LARS1: variants seen among roughly 807,000 people sequenced by gnomAD.
LARS1 encodes the protein leucyl-tRNA synthetase 1, also known as leucine--tRNA ligase, cytoplasmic.
Under a neutral mutation model 162.8 loss-of-function variants are expected in LARS1, and 100 were observed. The observed-to-expected ratio is 0.61, with a 90% confidence interval of 0.52 to 0.73. The LOEUF (loss-of-function observed/expected upper bound fraction) is 0.73, where lower values mean the gene tolerates loss of function less well. LARS1 is among the 30% of genes least tolerant of loss of function. LARS1 has a pLI of 0.00. For missense variants in LARS1, 1,258 were observed against 1,408.9 expected (o/e 0.89, Z 1.71); for synonymous variants, 457 against 462.8 (o/e 0.99, Z 0.16).
At chr5:146,162,470 C>G (rs1290518003) in intron 6 of LARS1, among the ~76,000 whole-genome samples, 1 of 152,038 alleles carries the variant, frequency 6.6e-6, no homozygotes, top group Non-Finnish European at 1.5e-5. Flanking sequence ...TTAAAACATT[C>G]ACCAAACCAT....
intron 1 of LARS1, among the ~76,000 whole-genome samples, chr5:146,179,870 T>C (rs559929053): frequency 6.6e-6 from 1 of 152,354 alleles, no homozygotes; most frequent in East Asian, 1.9e-4. Flanking sequence ...TCCAAAGTGC[T>C]GACATTACAG....
chr5:146,182,142 T>C (rs529605326), intron 1 of LARS1: 87 of 251,818 alleles, frequency 3.5e-4, no homozygotes, highest in Non-Finnish European at 5.5e-4. Flanking sequence ...GGTCTCACCA[T>C]GTTGGCCAGG....
intron 31 of LARS1, among the ~76,000 whole-genome samples, chr5:146,119,077 G>C (rs558657820): frequency 1.3e-5 from 2 of 152,072 alleles, no homozygotes; most frequent in Non-Finnish European, 2.9e-5. Flanking sequence ...CCTGATCCCT[G>C]CAAGTGGAAA....
intron 20 of LARS1, among the ~76,000 whole-genome samples, chr5:146,140,507 T>A (rs976852380): frequency 6.6e-6 from 1 of 152,140 alleles, no homozygotes; most frequent in African/African-American, 2.4e-5. Context: ...TATAAAAAGA[T>A]CTTAAAAATA....
chr5:146,161,034 C>G (rs1439651637), intron 6 of LARS1, among the ~76,000 whole-genome samples: 5 of 152,088 alleles, frequency 3.3e-5, no homozygotes, highest in African/African-American at 9.7e-5. Context: ...GGGTTTGGTT[C>G]TAAACCACCA....
intron 21 of LARS1, chr5:146,138,656 A>T (rs1413522105): frequency 1.3e-5 from 2 of 151,070 alleles, no homozygotes; most frequent in East Asian, 3.9e-4. Context: ...TGAACCCAAG[A>T]GGTGGAAGTT....
Position 146,114,033 on chromosome 5 carries a change from T to G in LARS1, c.*73A>C. The G allele has an allele frequency of 8.6e-7, 1 of 1,164,454 alleles. No homozygotes were observed. Among genetic ancestry groups the G allele is most frequent in the Non-Finnish European group, 1.3e-6 (1 of 774,764 alleles). 72.1% of individuals were successfully genotyped at this position (1,164,454 alleles called of 1,614,324 possible). A position where few individuals can be genotyped will look rare whatever the true frequency, so the allele number is the denominator to read the frequency against. On this transcript the variant is annotated 3_prime_UTR_variant, in exon 32 of 32. Transcript: ENST00000394434. ...ATTTAGGTCCAGCCTAAGGTTCTGA[T>G]AGCCAATCAGTAGACACAATCAGAG... is the stretch of plus-strand genomic sequence containing the variant.
At chr5:146,180,420 G>GCC (rs1754785633) in intron 1 of LARS1, among the ~76,000 whole-genome samples, 1 of 151,832 alleles carries the variant, frequency 6.6e-6, no homozygotes, top group East Asian at 1.9e-4. Context: ...TGTAGTCCCA[G>GCC]CTACACAGGA....
chr5:146,140,022 G>C (rs529196264), intron 21 of LARS1, among the ~76,000 whole-genome samples, 182 bp downstream of exon 21: 2 of 151,862 alleles, frequency 1.3e-5, no homozygotes, highest in Admixed American at 6.6e-5. Flanking sequence ...GTCCAGGCTG[G>C]TCTTGAACTC....
At position 146,113,338 on chromosome 5, in the gene LARS1, A is replaced by T. The variant is rs1764058387; in HGVS notation, c.*768T>A. ...CTTGGCCTCCCAAAGTGCTGGGATTATAGGTGTGAGCCACCACACCCGACC... is the reference window on the plus strand; with the variant it reads ...CTTGGCCTCCCAAAGTGCTGGGATTTTAGGTGTGAGCCACCACACCCGACC... On this transcript the variant is annotated 3_prime_UTR_variant, in exon 32 of 32. Transcript: ENST00000394434. The T allele has an allele frequency of 1.1e-5, 1 of 94,052 alleles. No individual in the cohort carries two copies. Among genetic ancestry groups the T allele is most frequent in the South Asian group, 3.0e-4 (1 of 3,322 alleles). The allele number at this position is 94,052 out of a possible 1,614,324, so 5.8% of individuals were successfully genotyped here. A position where few individuals can be genotyped will look rare whatever the true frequency, so the allele number is the denominator to read the frequency against.
intron 6 of LARS1, among the ~76,000 whole-genome samples, chr5:146,163,108 C>A (rs552246294): frequency 6.6e-6 from 1 of 152,352 alleles, no homozygotes; most frequent in East Asian, 1.9e-4. Flanking sequence ...CACACCCAGG[C>A]TACAACTTGC....
chr5:146,145,763 G>T (rs1418031455), intron 15 of LARS1, among the ~76,000 whole-genome samples: 1 of 152,062 alleles, frequency 6.6e-6, no homozygotes, highest in Admixed American at 6.6e-5. Context: ...TGGAATTTTG[G>T]TTTAAAGATG....
chr5:146,114,846 CCAT>C (rs780365582), intron 31 of LARS1, among the ~76,000 whole-genome samples: 1 of 151,190 alleles, frequency 6.6e-6, no homozygotes. Context: ...GAGATCGAGA[CCAT>C]CCTGACCAAC....
chr5:146,142,243 G>A (rs572518481), intron 20 of LARS1, among the ~76,000 whole-genome samples: 48 of 151,518 alleles, frequency 3.2e-4, no homozygotes, highest in South Asian at 8.4e-4. Context: ...AGCTGAGTTC[G>A]TGCCGCTGCA....
chr5:146,168,001 C>T (rs1011228446), intron 5 of LARS1, 127 bp downstream of exon 5: 1 of 813,242 alleles, frequency 1.2e-6, no homozygotes, highest in African/African-American at 1.8e-5. Context: ...TAATTTTTTG[C>T]TTTGATACTT....
At chr5:146,166,165 T>C (rs1753995550) in intron 5 of LARS1, among the ~76,000 whole-genome samples, 2 of 152,000 alleles carry the variant, frequency 1.3e-5, no homozygotes, top group African/African-American at 4.8e-5. Context: ...AAAAGAAACC[T>C]TGGAGAAGTG....
intron 3 of LARS1, among the ~76,000 whole-genome samples, chr5:146,172,246 G>A (rs910676580): frequency 2.6e-5 from 4 of 152,060 alleles, no homozygotes. Flanking sequence ...GGCCAGGCAC[G>A]GTGGCTCATG....
intron 6 of LARS1, among the ~76,000 whole-genome samples, 189 bp from the exon 7 acceptor site, chr5:146,160,675 C>G (rs1753742682): frequency 6.6e-6 from 1 of 152,006 alleles, no homozygotes; most frequent in Admixed American, 6.6e-5. Flanking sequence ...TATTTTTAAG[C>G]ATATACATAT....
intron 14 of LARS1, 51 bp downstream of exon 14, chr5:146,151,811 T>G (rs1753301792): frequency 1.3e-6 from 2 of 1,502,362 alleles, no homozygotes; most frequent in Non-Finnish European, 1.8e-6. Context: ...ATTAAGAAAA[T>G]CACAGAGCAT....
Sources: gnomAD v4.1 joint callset for allele counts (sites outside exome capture counted in the v4.1 genomes callset) on GRCh38, gnomAD v4.1.1 for gene constraint, MANE v1.5 for transcripts, NCBI Gene and HGNC (gene_info 2026-07-23, HGNC 2026-07-21) for gene names.